Variants in ABCC11 observed in about 807,000 individuals in gnomAD.
ABCC11 encodes ATP binding cassette subfamily C member 11, also known as ATP-binding cassette sub-family C member 11.
In ABCC11, 135 loss-of-function variants were observed where a neutral mutation model predicts 149.3. The observed-to-expected ratio is 0.90, with a 90% CI of 0.79 to 1.04. The LOEUF (loss-of-function observed/expected upper bound fraction) is 1.04. Ranked by LOEUF, ABCC11 falls within the 50% of genes least tolerant of loss-of-function variation. The pLI, the probability that ABCC11 is intolerant of heterozygous loss-of-function variation, is 0.00. For missense variants in ABCC11, 1,680 were observed against 1,722.1 expected, an observed-to-expected ratio of 0.98 and a Z score of 0.43; for synonymous variants, 665 against 671.4, an observed-to-expected ratio of 0.99 and a Z score of 0.15.
At chr16:48,242,219 T>C (rs1194287315) in intron 1 of ABCC11, among the ~76,000 whole-genome samples, 1 of 152,040 alleles carries the variant, frequency 6.6e-6, no homozygotes, top group Non-Finnish European at 1.5e-5. Flanking sequence ...AACAACCCCA[T>C]CTAAAAGTGG....
At chr16:48,240,624 C>A (rs1055864872) in intron 1 of ABCC11, among the ~76,000 whole-genome samples, 1 of 152,030 alleles carries the variant, frequency 6.6e-6, no homozygotes, top group Non-Finnish European at 1.5e-5. Flanking sequence ...ACCACCACGG[C>A]ACATGTTTAC....
intron 3 of ABCC11, among the ~76,000 whole-genome samples, chr16:48,228,996 T>A (rs562070186): frequency 6.6e-6 from 1 of 151,800 alleles, no homozygotes; most frequent in African/African-American, 2.4e-5. Context: ...GATGGGAAGA[T>A]GAAAATGCCG....
At chr16:48,185,101 C>T (rs535968583) in intron 22 of ABCC11, among the ~76,000 whole-genome samples, 15 of 152,212 alleles carry the variant, frequency 9.9e-5, no homozygotes, top group African/African-American at 2.9e-4. Context: ...GCAGTAAAAC[C>T]GAGACACCCG....
intron 4 of ABCC11, among the ~76,000 whole-genome samples, chr16:48,226,426 G>C (rs1184467369): frequency 1.3e-5 from 2 of 151,836 alleles, no homozygotes; most frequent in African/African-American, 4.8e-5. Flanking sequence ...AGAGGCACCC[G>C]CCTCCATGCC....
At chr16:48,181,250 T>C (rs1966411866) in intron 23 of ABCC11, among the ~76,000 whole-genome samples, 1 of 152,162 alleles carries the variant, frequency 6.6e-6, no homozygotes, top group Non-Finnish European at 1.5e-5. Context: ...TCTGTAATGG[T>C]GCATGTGTAT....
At chr16:48,198,107 C>T (rs1967608589) in intron 16 of ABCC11, 34 bp downstream of exon 16, 1 of 1,614,178 alleles carries the variant, frequency 6.2e-7, no homozygotes, top group South Asian at 1.1e-5. Context: ...CGTGCGTCCA[C>T]CGTGGGTAGT....
chr16:48,231,977 AG>A, intron 1 of ABCC11, 38 bp from the exon 2 acceptor site: 2 of 1,611,640 alleles, frequency 1.2e-6, no homozygotes, highest in Non-Finnish European at 1.7e-6. Flanking sequence ...AAAAGACAGC[AG>A]GAGTTAGAAG....
intron 11 of ABCC11, chr16:48,210,465 G>A (rs8051016): frequency 0.21 from 33,166 of 156,700 alleles, 4,421 homozygotes; most frequent in African/African-American, 0.38. Flanking sequence ...TTATTATAAG[G>A]TATCAATATC....
In ABCC11 at chr16:48,224,477, T is replaced by C. The variant is rs1208108148; in HGVS notation, c.396-48A>G. On this transcript the variant is annotated intron_variant, in intron 4 of 29. Coordinates refer to ENST00000356608, the MANE Select transcript of ABCC11 (RefSeq NM_001370497.1). The stretch of plus-strand genomic sequence containing the variant: ...TGGTGGAATCTCTTTGCATGTGACA[T>C]CCAAACATCCTAGTTCTTGCTAGCC... 11 of 1,595,348 alleles carry C rather than the reference T, an allele frequency of 6.9e-6. No homozygotes were observed. The African/African-American group carries it at 1.5e-4, about 22-fold the overall frequency.
At chr16:48,235,914 A>T (rs1373746260) in intron 1 of ABCC11, among the ~76,000 whole-genome samples, 1 of 152,156 alleles carries the variant, frequency 6.6e-6, no homozygotes, top group African/African-American at 2.4e-5. Context: ...GGAGCGGGGT[A>T]ACCTGTATCA....
chr16:48,223,857 C>T (rs775516788), intron 5 of ABCC11: 1 of 153,720 alleles, frequency 6.5e-6, no homozygotes, highest in Non-Finnish European at 1.4e-5. Context: ...CTCAGAGGAG[C>T]TAACATGTGC....
chr16:48,202,046 GCCCAGTTTC>G (rs1056600062), intron 14 of ABCC11, among the ~76,000 whole-genome samples: 7 of 152,110 alleles, frequency 4.6e-5, no homozygotes, highest in African/African-American at 1.7e-4. Flanking sequence ...TCTGGCCAAA[GCCCAGTTTC>G]CCCATTCATT....
chr16:48,220,183 A>G (rs1430059610), intron 6 of ABCC11, among the ~76,000 whole-genome samples: 1 of 152,206 alleles, frequency 6.6e-6, no homozygotes, highest in Non-Finnish European at 1.5e-5. Flanking sequence ...GCCTTAGCAC[A>G]GGGCTCCTTA....
At chr16:48,228,953 A>C (rs1226351552) in intron 3 of ABCC11, among the ~76,000 whole-genome samples, 1 of 152,022 alleles carries the variant, frequency 6.6e-6, no homozygotes, top group South Asian at 2.1e-4. Context: ...CAATGGGAAG[A>C]AAATGCAATT....
intron 17 of ABCC11, among the ~76,000 whole-genome samples, chr16:48,197,142 T>C (rs180990190): frequency 7.2e-5 from 11 of 152,250 alleles, no homozygotes; most frequent in Non-Finnish European, 1.5e-4. Context: ...CTAGGCAACA[T>C]GGTGAAACCC....
At chr16:48,181,559 A>G (rs1452485996) in intron 23 of ABCC11, among the ~76,000 whole-genome samples, 4 of 151,976 alleles carry the variant, frequency 2.6e-5, no homozygotes, top group African/African-American at 9.7e-5. Context: ...AAAGCCACAC[A>G]GCTAATAATG....
At chr16:48,191,954 T>G (rs1488576952) in intron 20 of ABCC11, among the ~76,000 whole-genome samples, 1 of 152,092 alleles carries the variant, frequency 6.6e-6, no homozygotes, top group South Asian at 2.1e-4. Context: ...TGTGCACATG[T>G]ACCCTAAAAC....
At chr16:48,203,358 T>C (rs896359775) in intron 13 of ABCC11, 58 bp from the exon 14 acceptor site, 2 of 1,455,376 alleles carry the variant, frequency 1.4e-6, no homozygotes, top group African/African-American at 2.8e-5. Context: ...CCATCACCCT[T>C]CCCAGTGTCG....
At chr16:48,203,378 G>C in intron 13 of ABCC11, 78 bp from the exon 14 acceptor site, 2 of 1,345,822 alleles carry the variant, frequency 1.5e-6, no homozygotes, top group South Asian at 1.3e-5. Flanking sequence ...GAGAGGAATG[G>C]TCTTGATTTT....
Sources: allele counts gnomAD v4.1 joint callset (sites outside exome capture counted in the v4.1 genomes callset), GRCh38; gene constraint gnomAD v4.1.1; transcripts MANE v1.5; gene names NCBI Gene and HGNC (gene_info 2026-07-23, HGNC 2026-07-21).